GPC6: variants seen among roughly 807,000 people sequenced by gnomAD.
The protein encoded by GPC6 is glypican 6, also known as glypican-6.
In GPC6, 14 loss-of-function variants were observed where a neutral mutation model predicts 55.2. The observed-to-expected ratio is 0.25, with a 90% CI of 0.17 to 0.40. The LOEUF is 0.40. Among genes scored for constraint, GPC6 ranks in the 10% least tolerant of loss-of-function variants. The pLI is 1.00. For synonymous variants in GPC6, 278 were observed against 259.6 expected (o/e 1.07, Z -0.68); for missense variants, 641 against 708.5 (o/e 0.90, Z 1.08).
chr13:93,586,132 G>A (rs550247989), intron 2 of GPC6, among the ~76,000 whole-genome samples: 1 of 152,004 alleles, frequency 6.6e-6, no homozygotes, highest in African/African-American at 2.4e-5. Context: ...CCTCCAAAAG[G>A]CCCAAGTGTG....
intron 4 of GPC6, among the ~76,000 whole-genome samples, chr13:94,253,776 T>C (rs1283359054): frequency 6.6e-6 from 1 of 152,142 alleles, no homozygotes; most frequent in Non-Finnish European, 1.5e-5. Flanking sequence ...CAAAATGATA[T>C]CTTACTCTTT....
chr13:94,046,381 G>C (rs570556974), intron 4 of GPC6, among the ~76,000 whole-genome samples: 1 of 152,056 alleles, frequency 6.6e-6, no homozygotes, highest in East Asian at 1.9e-4. Flanking sequence ...AACACTCTGA[G>C]GTCTTACAAG....
intron 1 of GPC6, among the ~76,000 whole-genome samples, chr13:93,269,891 C>CAAAAA (rs529558741): frequency 7.6e-5 from 4 of 52,584 alleles, no homozygotes; most frequent in Non-Finnish European, 1.5e-4. Context: ...GACTCCATCT[C>CAAAAA]AAAAAAAAAA....
chr13:93,727,578 T>A (rs1191465509), intron 2 of GPC6, among the ~76,000 whole-genome samples: 2 of 152,174 alleles, frequency 1.3e-5, no homozygotes, highest in Admixed American at 6.6e-5. Context: ...GGCCATATTA[T>A]CTAAATCACA....
chr13:94,327,658 C>G (rs1877195023), intron 6 of GPC6, among the ~76,000 whole-genome samples: 1 of 151,958 alleles, frequency 6.6e-6, no homozygotes, highest in Non-Finnish European at 1.5e-5. Flanking sequence ...CTGAGGTGGT[C>G]ACATTGACTA....
At chr13:93,271,468 T>C (rs1478186898) in intron 1 of GPC6, among the ~76,000 whole-genome samples, 1 of 152,040 alleles carries the variant, frequency 6.6e-6, no homozygotes, top group Non-Finnish European at 1.5e-5. Context: ...ACATCCTAGA[T>C]AAACCCTAAG....
intron 3 of GPC6, among the ~76,000 whole-genome samples, chr13:94,012,882 TCA>T (rs1882303334): frequency 6.6e-6 from 1 of 152,236 alleles, no homozygotes; most frequent in African/African-American, 2.4e-5. Context: ...ATATTTAAAC[TCA>T]CTGCTAAAAT....
At chr13:93,946,117 T>G (rs926624298) in intron 3 of GPC6, among the ~76,000 whole-genome samples, 6 of 152,210 alleles carry the variant, frequency 3.9e-5, no homozygotes, top group Non-Finnish European at 8.8e-5. Context: ...ACTTCTATCA[T>G]GGCCAATTTC....
chr13:93,859,512 G>C (rs146399417), intron 3 of GPC6, among the ~76,000 whole-genome samples: 3 of 151,710 alleles, frequency 2.0e-5, no homozygotes, highest in Non-Finnish European at 4.4e-5. Context: ...GAAAAAAGTT[G>C]GGTGATTTTT....
rs940946706 is a variant in GPC6, at chr13:93,485,035, G to T, written c.161-60228G>T. 2.6e-5 allele frequency among the ~76,000 whole-genome samples: 4 copies of T among 152,302 alleles called. No individual in the cohort carries two copies. The South Asian group carries it at 8.3e-4, about 32-fold the overall frequency. On this transcript the variant is annotated intron_variant, in intron 1 of 8. Coordinates refer to ENST00000377047, the MANE Select transcript of GPC6 (RefSeq NM_005708.5). ...ACAGCAGTATGGTAAAGGCAAAGAG[G>T]TATTTACAGCTTGATGTGATAACAC...
intron 1 of GPC6, among the ~76,000 whole-genome samples, chr13:93,363,138 A>ATTTTTTTTT (rs1881106917): frequency 8.7e-6 from 1 of 114,310 alleles, no homozygotes; most frequent in Non-Finnish European, 1.9e-5. Flanking sequence ...TGTTTTTTTT[A>ATTTTTTTTT]AAATTATTAT....
intron 4 of GPC6, among the ~76,000 whole-genome samples, chr13:94,224,869 T>C (rs974350301): frequency 6.6e-6 from 1 of 152,122 alleles, no homozygotes; most frequent in African/African-American, 2.4e-5. Flanking sequence ...GACTGCCACC[T>C]CTTGGTAGCT....
chr13:93,239,716 A>G (rs1876363433), intron 1 of GPC6, among the ~76,000 whole-genome samples: 1 of 151,602 alleles, frequency 6.6e-6, no homozygotes, highest in Non-Finnish European at 1.5e-5. Context: ...TTGAGGTGTG[A>G]CATTGGTTGT....
At chr13:93,830,868 C>T in intron 3 of GPC6, 1 of 290,956 alleles carries the variant, frequency 3.4e-6, no homozygotes, top group East Asian at 9.1e-5. Context: ...TATTTCTGAT[C>T]AGGGTTTTAA....
At chr13:93,596,660 A>G (rs1043939925) in intron 2 of GPC6, among the ~76,000 whole-genome samples, 2 of 147,780 alleles carry the variant, frequency 1.4e-5, no homozygotes, top group East Asian at 4.0e-4. Flanking sequence ...ATATGCATAT[A>G]TAAGTGTGTA....
intron 4 of GPC6, among the ~76,000 whole-genome samples, chr13:94,133,190 G>A (rs1016363789): frequency 3.7e-5 from 4 of 107,494 alleles, no homozygotes; most frequent in African/African-American, 1.2e-4. Flanking sequence ...ATTAGACAAC[G>A]ACTATATGAC....
In GPC6 at chr13:94,351,553, T is replaced by C. The variant is rs116477715; in HGVS notation, c.1153-30861T>C. On this transcript the variant is annotated intron_variant, in intron 6 of 8. Transcript: ENST00000377047. The stretch of plus-strand genomic sequence containing the variant: ...CCTCAGATTCACTCAACCACAATCT[T>C]CTCTGAGAAGCCTACTTCCTTATTC... 5.9e-3 allele frequency among the ~76,000 whole-genome samples: 892 copies of C among 152,116 alleles called. 9 individuals are homozygous for C. Among genetic ancestry groups the C allele is most frequent in the African/African-American group, 0.02 (831 of 41,442 alleles).
upstream of GPC6, among the ~76,000 whole-genome samples, chr13:93,224,765 G>A (rs1359697216): frequency 6.6e-6 from 1 of 152,158 alleles, no homozygotes; most frequent in Admixed American, 6.5e-5. Flanking sequence ...ACTGCAAACA[G>A]TGTGACATTA....
chr13:93,263,584 C>T (rs1394561996), intron 1 of GPC6, among the ~76,000 whole-genome samples: 3 of 152,082 alleles, frequency 2.0e-5, no homozygotes, highest in South Asian at 2.1e-4. Context: ...AGGCTGATCT[C>T]GAACTCCTGA....
Sources: gnomAD v4.1 joint callset for allele counts (sites outside exome capture counted in the v4.1 genomes callset) on GRCh38, gnomAD v4.1.1 for gene constraint, MANE v1.5 for transcripts, NCBI Gene and HGNC (gene_info 2026-07-23, HGNC 2026-07-21) for gene names.